Variants in OTUD7A observed in about 807,000 individuals in gnomAD.
OTUD7A encodes OTU domain-containing protein 7A.
In OTUD7A, 12 loss-of-function variants were observed where a neutral mutation model predicts 65.7. The observed-to-expected ratio is 0.18, with a 90% confidence interval of 0.12 to 0.30. OTUD7A has a LOEUF of 0.30. Ranked by LOEUF, OTUD7A falls within the 10% of genes least tolerant of loss-of-function variation. The pLI is 1.00. For missense variants in OTUD7A, 1,148 were observed against 1,304.8 expected (o/e 0.88, Z 1.85); for synonymous variants, 641 against 586.3 (o/e 1.09, Z -1.35).
At chr15:31,606,399 C>T (rs1890241080) in intron 3 of OTUD7A, among the ~76,000 whole-genome samples, 2 of 152,142 alleles carry the variant, frequency 1.3e-5, no homozygotes, top group Non-Finnish European at 2.9e-5. Context: ...ACATTCCCAA[C>T]ATGGGAGTCA....
At chr15:31,579,730 A>G (rs1889314807) in intron 3 of OTUD7A, among the ~76,000 whole-genome samples, 1 of 152,258 alleles carries the variant, frequency 6.6e-6, no homozygotes, top group Non-Finnish European at 1.5e-5. Flanking sequence ...GCACATGTAT[A>G]CACATGCACA....
chr15:31,750,524 C>T (rs1894605272), intron 1 of OTUD7A, among the ~76,000 whole-genome samples: 2 of 150,338 alleles, frequency 1.3e-5, no homozygotes, highest in African/African-American at 4.9e-5. Flanking sequence ...ATTTACATGA[C>T]ATCAAAAAGA....
At chr15:31,840,025 T>C (rs933794959) in intron 1 of OTUD7A, among the ~76,000 whole-genome samples, 1 of 152,086 alleles carries the variant, frequency 6.6e-6, no homozygotes, top group African/African-American at 2.4e-5. Context: ...CAAAATAAAA[T>C]CTCTTTTTAA....
At chr15:31,608,364 A>C (rs544249277) in intron 3 of OTUD7A, among the ~76,000 whole-genome samples, 2 of 152,362 alleles carry the variant, frequency 1.3e-5, no homozygotes, top group Admixed American at 6.5e-5. Context: ...TTAAGAGCTG[A>C]CTGGGCAATC....
intron 1 of OTUD7A, among the ~76,000 whole-genome samples, chr15:31,748,328 TAC>T (rs1277943310): frequency 6.6e-6 from 1 of 151,556 alleles, no homozygotes; most frequent in Non-Finnish European, 1.5e-5. Flanking sequence ...CACGATGATA[TAC>T]ACACACACAC....
At chr15:31,607,059 A>C (rs972269675) in intron 3 of OTUD7A, among the ~76,000 whole-genome samples, 4 of 152,230 alleles carry the variant, frequency 2.6e-5, no homozygotes, top group African/African-American at 9.6e-5. Context: ...TAAGAAAGAG[A>C]TCTGTTTGAT....
intron 1 of OTUD7A, among the ~76,000 whole-genome samples, chr15:31,783,542 C>T (rs1037134458): frequency 2.0e-5 from 3 of 152,190 alleles, no homozygotes; most frequent in African/African-American, 7.2e-5. Flanking sequence ...AAAACCCAAA[C>T]AGAAACCGAA....
At chr15:31,778,410 T>C (rs1386638120) in intron 1 of OTUD7A, among the ~76,000 whole-genome samples, 1 of 152,212 alleles carries the variant, frequency 6.6e-6, no homozygotes, top group African/African-American at 2.4e-5. Context: ...ACTCACTCAC[T>C]GCAAATTGTA....
chr15:31,530,643 G>T, intron 6 of OTUD7A, 64 bp downstream of exon 6: 1 of 1,431,172 alleles, frequency 7.0e-7, no homozygotes, highest in Non-Finnish European at 9.7e-7. Context: ...TCCTTCAATA[G>T]CATATGTCTT....
intron 1 of OTUD7A, among the ~76,000 whole-genome samples, chr15:31,671,226 T>A (rs1892476628): frequency 6.6e-6 from 1 of 152,224 alleles, no homozygotes. Flanking sequence ...AAATCTTTAA[T>A]CCATCTTGAG....
At chr15:31,781,467 C>A (rs1366043174) in intron 1 of OTUD7A, among the ~76,000 whole-genome samples, 3 of 150,958 alleles carry the variant, frequency 2.0e-5, no homozygotes, top group Non-Finnish European at 4.5e-5. Flanking sequence ...TCCCACTGCA[C>A]CCTGTCTGAA....
intron 3 of OTUD7A, among the ~76,000 whole-genome samples, chr15:31,581,475 G>A (rs1018633507): frequency 6.6e-6 from 1 of 152,258 alleles, no homozygotes; most frequent in African/African-American, 2.4e-5. Flanking sequence ...TTCTCCATGA[G>A]GGTTCTGCTC....
intron 1 of OTUD7A, among the ~76,000 whole-genome samples, chr15:31,668,867 T>C (rs1892401265): frequency 6.6e-6 from 1 of 152,232 alleles, no homozygotes; most frequent in Non-Finnish European, 1.5e-5. Context: ...ACTCTCCTGC[T>C]TTTCCTATAA....
At chr15:31,807,479 T>C (rs543340526) in intron 1 of OTUD7A, among the ~76,000 whole-genome samples, 1 of 152,138 alleles carries the variant, frequency 6.6e-6, no homozygotes, top group African/African-American at 2.4e-5. Flanking sequence ...GTCCCCCAAA[T>C]TGCACACAAG....
At chr15:31,779,464 G>A (rs1022416877) in intron 1 of OTUD7A, among the ~76,000 whole-genome samples, 11 of 152,168 alleles carry the variant, frequency 7.2e-5, no homozygotes, top group African/African-American at 2.7e-4. Context: ...TTGGTGTAAT[G>A]GAGCAAATTA....
At chr15:31,658,664 A>T (rs1306437142) in intron 1 of OTUD7A, among the ~76,000 whole-genome samples, 1 of 152,140 alleles carries the variant, frequency 6.6e-6, no homozygotes, top group Non-Finnish European at 1.5e-5. Flanking sequence ...GTCCAACCAG[A>T]GAGAGTAAAA....
rs567992933 is a variant in OTUD7A, at chr15:31,665,983, T to C, written c.-99-8906A>G. On this transcript the variant is annotated intron_variant, in intron 1 of 12. Coordinates refer to ENST00000307050, the MANE Select transcript of OTUD7A (RefSeq NM_001382637.1). ...TTATTGACTTGCGTATGTGAAATCA[T>C]CCCTTCATCCCTCGTATGAAACCCA... Among the ~76,000 whole-genome samples, 3 of 152,168 alleles carry C rather than the reference T, an allele frequency of 2.0e-5. No homozygotes were observed. In the East Asian group the frequency reaches 5.8e-4, roughly 29 times the overall value.
intron 1 of OTUD7A, among the ~76,000 whole-genome samples, chr15:31,853,809 C>T (rs1897491561): frequency 6.6e-6 from 1 of 152,198 alleles, no homozygotes; most frequent in South Asian, 2.1e-4. Context: ...CCCGCCCTGG[C>T]TTCACCCTCA....
chr15:31,717,869 C>T (rs968360639), intron 1 of OTUD7A, among the ~76,000 whole-genome samples: 7 of 152,206 alleles, frequency 4.6e-5, no homozygotes, highest in South Asian at 2.1e-4. Flanking sequence ...AGTGTAAAAG[C>T]GTTCCTATTT....
Sources: gnomAD v4.1 joint callset for allele counts (sites outside exome capture counted in the v4.1 genomes callset) on GRCh38, gnomAD v4.1.1 for gene constraint, MANE v1.5 for transcripts, NCBI Gene and HGNC (gene_info 2026-07-23, HGNC 2026-07-21) for gene names.